The following BMPR1A variants were observed in gnomAD, a reference collection of about 807,000 sequenced individuals.
BMPR1A encodes the protein bone morphogenetic protein receptor type 1A.
BMPR1A carries 7 observed loss-of-function variants against 66.0 expected under a neutral mutation model. The ratio of observed to expected loss-of-function variants is 0.11; its 90% CI spans 0.06 to 0.20. BMPR1A has a LOEUF of 0.20. Among genes scored for constraint, BMPR1A ranks in the 10% least tolerant of loss-of-function variants. BMPR1A has a pLI of 1.00. For synonymous variants in BMPR1A, 200 were observed against 229.7 expected, an observed-to-expected ratio of 0.87 and a Z score of 1.17; for missense variants, 408 against 669.1, an observed-to-expected ratio of 0.61 and a Z score of 4.31.
At chr10:86,829,305 G>A (rs1589735727) in intron 1 of BMPR1A, among the ~76,000 whole-genome samples, 1 of 152,024 alleles carries the variant, frequency 6.6e-6, no homozygotes, top group Non-Finnish European at 1.5e-5. Flanking sequence ...TCCTTGAACA[G>A]TTATTTTACT....
At chr10:86,855,089 C>T (rs1159212508) in intron 2 of BMPR1A, 18 of 258,868 alleles carry the variant, frequency 7.0e-5, no homozygotes, top group Middle Eastern at 1.2e-3. Flanking sequence ...CCTGCCTCCA[C>T]GCCCAGCTAA....
intron 2 of BMPR1A, among the ~76,000 whole-genome samples, chr10:86,846,752 G>A (rs1231519980): frequency 6.6e-6 from 1 of 152,080 alleles, no homozygotes; most frequent in Non-Finnish European, 1.5e-5. Context: ...ACTTGCTTCT[G>A]TAGAGAAACC....
intron 1 of BMPR1A, among the ~76,000 whole-genome samples, chr10:86,765,501 AAAAAGAATATTCCTCTCTCTCCT>A (rs1841148368): frequency 6.6e-6 from 1 of 151,458 alleles, no homozygotes; most frequent in South Asian, 2.1e-4. Flanking sequence ...AAAAAAAAAA[AAAAAGAATATTCCTCTCTCTCCT>A]ATGAAGCCCT....
chr10:86,830,361 C>A (rs1403811309), intron 1 of BMPR1A, among the ~76,000 whole-genome samples: 5 of 152,190 alleles, frequency 3.3e-5, no homozygotes, highest in Non-Finnish European at 7.3e-5. Context: ...AGGAGCCTGG[C>A]TCATTTGGTC....
At chr10:86,797,844 T>C (rs1841746129) in intron 1 of BMPR1A, among the ~76,000 whole-genome samples, 1 of 152,144 alleles carries the variant, frequency 6.6e-6, no homozygotes, top group African/African-American at 2.4e-5. Context: ...GGAAGATGTT[T>C]GAAAGTGACT....
chr10:86,890,316 T>G (rs1843130436), intron 4 of BMPR1A, 92 bp downstream of exon 4: 1 of 1,509,832 alleles, frequency 6.6e-7, no homozygotes. Context: ...CTGCGGTTTT[T>G]TTTTCATTCA....
chr10:86,871,219 C>A (rs1017404050), intron 2 of BMPR1A, among the ~76,000 whole-genome samples: 24 of 152,182 alleles, frequency 1.6e-4, no homozygotes, highest in Admixed American at 1.3e-3. Context: ...AGAGGGGGGT[C>A]ACTGCCCCTA....
At chr10:86,879,713 A>G (rs1842963031) in intron 3 of BMPR1A, among the ~76,000 whole-genome samples, 1 of 152,192 alleles carries the variant, frequency 6.6e-6, no homozygotes, top group South Asian at 2.1e-4. Flanking sequence ...GCTGGTGGGA[A>G]GCCCTCTCCT....
Position 86,889,620 on chromosome 10 carries a change from G to C in BMPR1A, c.68-442G>C, listed in dbSNP as rs138341443. 3.7e-3 allele frequency: 637 copies of C among 174,002 alleles called. 7 individuals are homozygous for C. Among genetic ancestry groups the C allele is most frequent in the African/African-American group, 0.014 (603 of 41,686 alleles). 10.8% of individuals were successfully genotyped at this position (174,002 alleles called of 1,614,324 possible). On this transcript the variant is annotated intron_variant, in intron 3 of 12. Coordinates refer to ENST00000372037, the MANE Select transcript of BMPR1A (RefSeq NM_004329.3). ...CACGGTCACGAAGGTGGTTTTCCCA[G>C]GGCGAGGCTTATTCATTGCACTCCA...
intron 1 of BMPR1A, among the ~76,000 whole-genome samples, chr10:86,793,096 C>A: frequency 9.2e-6 from 1 of 108,598 alleles, no homozygotes; most frequent in Admixed American, 1.0e-4. Flanking sequence ...TGATCTATAC[C>A]CCCCCCCACC....
intron 1 of BMPR1A, among the ~76,000 whole-genome samples, chr10:86,805,268 GGAATAC>G (rs1170414159): frequency 2.0e-5 from 3 of 151,716 alleles, no homozygotes. Context: ...AAAAGATGTA[GGAATAC>G]CATTGTGAAT....
intron 1 of BMPR1A, among the ~76,000 whole-genome samples, chr10:86,766,772 AT>A (rs1165795943): frequency 3.4e-5 from 5 of 148,648 alleles, no homozygotes; most frequent in Non-Finnish European, 6.0e-5. Context: ...CACCTGGCTA[AT>A]TTTTTTTTGT....
rs114230692 is a variant in BMPR1A, at chr10:86,806,821, A to G, written c.-267-32044A>G. 4.8e-3 allele frequency among the ~76,000 whole-genome samples: 729 copies of G among 152,030 alleles called. 5 individuals are homozygous for G. Among genetic ancestry groups the G allele is most frequent in the African/African-American group, 0.017 (701 of 41,468 alleles). ...TGTGTCGGCCTCCCAAAGTCCTGGG[A>G]TTACAGGCATGAGCCACTGTACCTG... On this transcript the variant is annotated intron_variant, in intron 1 of 12. Transcript: ENST00000372037.
intron 1 of BMPR1A, among the ~76,000 whole-genome samples, chr10:86,816,766 C>T (rs1246013778): frequency 1.3e-5 from 2 of 152,226 alleles, no homozygotes; most frequent in Non-Finnish European, 2.9e-5. Flanking sequence ...AGGAGTTACC[C>T]TGCAGTAAAG....
At chr10:86,868,015 A>G (rs539102292) in intron 2 of BMPR1A, among the ~76,000 whole-genome samples, 33 of 152,330 alleles carry the variant, frequency 2.2e-4, no homozygotes, top group Non-Finnish European at 3.7e-4. Flanking sequence ...TGGCGATGAA[A>G]TTGGTAACTT....
At chr10:86,883,549 C>CAAAAAAAAAAAAAAAAAA (rs71019436) in intron 3 of BMPR1A, among the ~76,000 whole-genome samples, 2 of 45,410 alleles carry the variant, frequency 4.4e-5, no homozygotes, top group African/African-American at 1.4e-4. Flanking sequence ...GACTCCGTCT[C>CAAAAAAAAAAAAAAAAAA]AAAAAAAAAA....
chr10:86,802,278 T>C (rs1314433568), intron 1 of BMPR1A, among the ~76,000 whole-genome samples: 1 of 152,202 alleles, frequency 6.6e-6, no homozygotes, highest in Non-Finnish European at 1.5e-5. Flanking sequence ...CTTCTGCCCT[T>C]ACCCTGAATC....
At chr10:86,825,677 A>G (rs185248628) in intron 1 of BMPR1A, among the ~76,000 whole-genome samples, 1 of 152,166 alleles carries the variant, frequency 6.6e-6, no homozygotes, top group South Asian at 2.1e-4. Context: ...TGGTCTTGCT[A>G]TGTTGCCCAC....
intron 1 of BMPR1A, among the ~76,000 whole-genome samples, chr10:86,797,645 G>A (rs144651918): frequency 0.014 from 2,061 of 152,270 alleles, 41 homozygotes; most frequent in African/African-American, 0.047. Context: ...GGGATTACAG[G>A]CGTGAGCCAC....
Sources: gnomAD v4.1 joint callset for allele counts (sites outside exome capture counted in the v4.1 genomes callset) on GRCh38, gnomAD v4.1.1 for gene constraint, MANE v1.5 for transcripts, NCBI Gene and HGNC (gene_info 2026-07-23, HGNC 2026-07-21) for gene names.